IL15: variants seen among roughly 807,000 people sequenced by gnomAD.
IL15 encodes interleukin 15, also known as interleukin-15.
IL15 carries 11 observed loss-of-function variants against 19.6 expected under a neutral mutation model. The observed-to-expected ratio is 0.56, with a 90% CI of 0.35 to 0.93. The LOEUF is 0.93. IL15 is among the 40% of genes least tolerant of loss of function. The probability of loss-of-function intolerance (pLI) is 0.01; values close to 1 mark genes in which losing one functional copy is unlikely to be tolerated. For synonymous variants in IL15, 58 were observed against 59.6 expected, an observed-to-expected ratio of 0.97 and a Z score of 0.12; for missense variants, 197 against 186.5, an observed-to-expected ratio of 1.06 and a Z score of -0.33.
intron 5 of IL15, among the ~76,000 whole-genome samples, chr4:141,725,411 G>A (rs1439032933): frequency 6.6e-6 from 1 of 152,168 alleles, no homozygotes; most frequent in Non-Finnish European, 1.5e-5. Context: ...GATACACAGA[G>A]ATAGAAAACC....
intron 2 of IL15, among the ~76,000 whole-genome samples, chr4:141,668,724 G>A (rs934107684): frequency 1.3e-5 from 2 of 151,996 alleles, no homozygotes; most frequent in East Asian, 3.9e-4. Flanking sequence ...TTCTCCTAAG[G>A]GCAACCTCCT....
In IL15 at chr4:141,697,731, A is replaced by C. The variant is rs777555234; in HGVS notation, c.-99-21635A>C. Among the ~76,000 whole-genome samples the C allele has an allele frequency of 4.0e-5, 6 of 151,732 alleles. No homozygotes were observed. In the South Asian group the frequency reaches 8.3e-4, roughly 21 times the overall value. On this transcript the variant is annotated intron_variant, in intron 2 of 7. Coordinates refer to ENST00000320650, the MANE Select transcript of IL15 (RefSeq NM_000585.5). ...CCTTGTAGAGGTCTTTCACCTCCTT[A>C]GTTAGGTATATTCCTTTATTTTTTT...
At chr4:141,719,261 A>T in intron 2 of IL15, 105 bp from the exon 3 acceptor site, 1 of 463,540 alleles carries the variant, frequency 2.2e-6, no homozygotes, top group Non-Finnish European at 3.8e-6. Context: ...TTAAGTAACT[A>T]ATAGAGTGCT....
intron 2 of IL15, among the ~76,000 whole-genome samples, chr4:141,668,796 C>A (rs1728078034): frequency 6.6e-6 from 1 of 152,140 alleles, no homozygotes; most frequent in Non-Finnish European, 1.5e-5. Context: ...TCAATTTAGA[C>A]CAACTTTCAT....
chr4:141,662,785 G>T (rs1403984339), intron 2 of IL15, among the ~76,000 whole-genome samples: 1 of 151,818 alleles, frequency 6.6e-6, no homozygotes, highest in Non-Finnish European at 1.5e-5. Context: ...ATTTCAACAT[G>T]CATCCTTTGC....
At chr4:141,693,910 T>G (rs538156709) in intron 2 of IL15, among the ~76,000 whole-genome samples, 1 of 152,274 alleles carries the variant, frequency 6.6e-6, no homozygotes, top group Non-Finnish European at 1.5e-5. Flanking sequence ...GAAGAATTGG[T>G]GAGGTCAAGA....
chr4:141,656,999 T>C (rs909439297), intron 2 of IL15, among the ~76,000 whole-genome samples: 26 of 152,164 alleles, frequency 1.7e-4, no homozygotes, highest in Non-Finnish European at 8.8e-5. Context: ...AAGAAATGCA[T>C]TGTTACACAA....
rs1727589140 is a variant in IL15 at position 141,656,205 on chromosome 4, C to A, written c.-202C>A. ...TTACAGAATCCATTCCAATATATGGCCATGTGGCTCTTTGGAGCAATGTTC... is the reference window on the plus strand; with the variant it reads ...TTACAGAATCCATTCCAATATATGGACATGTGGCTCTTTGGAGCAATGTTC... On this transcript the variant is annotated 5_prime_UTR_variant, in exon 2 of 8. Coordinates refer to ENST00000320650, the MANE Select transcript of IL15 (RefSeq NM_000585.5). 2 of 398,360 alleles carry A rather than the reference C, an allele frequency of 5.0e-6. No individual in the cohort carries two copies. The highest frequency in any genetic ancestry group is 8.8e-5 in the Admixed American group (2 of 22,710). 24.7% of individuals were successfully genotyped at this position (398,360 alleles called of 1,614,324 possible).
At chr4:141,730,231 T>C (rs751447391) in intron 7 of IL15, among the ~76,000 whole-genome samples, 1 of 152,170 alleles carries the variant, frequency 6.6e-6, no homozygotes, top group East Asian at 1.9e-4. Flanking sequence ...AGAATTATAG[T>C]TGCAAACCAG....
At chr4:141,637,949 A>G (rs921899754) in intron 1 of IL15, among the ~76,000 whole-genome samples, 1 of 152,154 alleles carries the variant, frequency 6.6e-6, no homozygotes, top group African/African-American at 2.4e-5. Flanking sequence ...AAGGTGAACC[A>G]TTCTACTGAA....
At chr4:141,693,251 C>T (rs1482100633) in intron 2 of IL15, among the ~76,000 whole-genome samples, 2 of 152,004 alleles carry the variant, frequency 1.3e-5, no homozygotes, top group African/African-American at 2.4e-5. Flanking sequence ...CTCACTATCC[C>T]GAGAACAGCA....
Position 141,719,402 on chromosome 4 carries a change from T to C in IL15, c.-63T>C, listed in dbSNP as rs1337363005. 4 of 756,054 alleles carry C rather than the reference T, an allele frequency of 5.3e-6. No homozygotes were observed. The African/African-American group carries it at 7.0e-5, about 13-fold the overall frequency. The allele number at this position is 756,054 out of a possible 1,614,324, so 46.8% of individuals were successfully genotyped here. Reference sequence around the variant, plus strand: ...GGAGGCATTGTGGATGGATGGCTGCTGGAAACCCCTTGCCATAGCCAGCTC... The same window carrying C: ...GGAGGCATTGTGGATGGATGGCTGCCGGAAACCCCTTGCCATAGCCAGCTC... On this transcript the variant is annotated 5_prime_UTR_variant, in exon 3 of 8. Coordinates refer to ENST00000320650, the MANE Select transcript of IL15 (RefSeq NM_000585.5).
intron 1 of IL15, among the ~76,000 whole-genome samples, chr4:141,655,089 T>C (rs115301924): frequency 2.1e-3 from 316 of 152,276 alleles, no homozygotes; most frequent in African/African-American, 7.0e-3. Flanking sequence ...TGGGTCTAAA[T>C]GCCCATCCTA....
intron 2 of IL15, among the ~76,000 whole-genome samples, chr4:141,662,934 C>T (rs1336098238): frequency 6.6e-6 from 1 of 151,614 alleles, no homozygotes; most frequent in Non-Finnish European, 1.5e-5. Context: ...AAAAATTTCA[C>T]AAAAAAACTA....
At chr4:141,667,792 C>A (rs1003051533) in intron 2 of IL15, among the ~76,000 whole-genome samples, 10 of 151,966 alleles carry the variant, frequency 6.6e-5, no homozygotes, top group African/African-American at 1.9e-4. Context: ...TCTTGGTATC[C>A]TAATGTATAT....
intron 1 of IL15, among the ~76,000 whole-genome samples, chr4:141,652,164 A>G (rs1457367070): frequency 6.6e-6 from 1 of 152,186 alleles, no homozygotes; most frequent in African/African-American, 2.4e-5. Flanking sequence ...CAATCTATTT[A>G]TAATAATAGT....
chr4:141,674,690 G>A (rs992514796), intron 2 of IL15, among the ~76,000 whole-genome samples: 5 of 152,254 alleles, frequency 3.3e-5, no homozygotes, highest in African/African-American at 1.2e-4. Flanking sequence ...GCTAAATAGT[G>A]TGCTAGGCAT....
At chr4:141,656,465 C>T (rs140405683) in intron 2 of IL15, among the ~76,000 whole-genome samples, 158 bp downstream of exon 2, 1 of 152,138 alleles carries the variant, frequency 6.6e-6, no homozygotes, top group Non-Finnish European at 1.5e-5. Context: ...TTTGTTATTG[C>T]ATGCTTAAAG....
chr4:141,669,029 A>G (rs1260455656), intron 2 of IL15, among the ~76,000 whole-genome samples: 1 of 152,214 alleles, frequency 6.6e-6, no homozygotes, highest in African/African-American at 2.4e-5. Flanking sequence ...AATCTGTTAC[A>G]ACAACTTTAT....
Sources: allele counts gnomAD v4.1 joint callset (sites outside exome capture counted in the v4.1 genomes callset), GRCh38; gene constraint gnomAD v4.1.1; transcripts MANE v1.5; gene names NCBI Gene and HGNC (gene_info 2026-07-23, HGNC 2026-07-21).